The following LFNG variants were observed in gnomAD, a reference collection of about 807,000 sequenced individuals.
The protein encoded by LFNG is beta-1,3-N-acetylglucosaminyltransferase lunatic fringe.
In LFNG, 15 loss-of-function variants were observed where a neutral mutation model predicts 32.7. That is an observed-to-expected ratio of 0.46 (90% CI 0.31 to 0.71). The LOEUF is 0.71. LFNG is among the 30% of genes least tolerant of loss of function. The probability of loss-of-function intolerance (pLI) is 0.06; values close to 1 mark genes in which losing one functional copy is unlikely to be tolerated. For missense variants in LFNG, 520 were observed against 545.7 expected (o/e 0.95, Z 0.47); for synonymous variants, 274 against 246.8 (o/e 1.11, Z -1.03).
At chr7:2,522,766 G>A (rs1779830145) in intron 1 of LFNG, among the ~76,000 whole-genome samples, 3 of 152,218 alleles carry the variant, frequency 2.0e-5, no homozygotes, top group Admixed American at 6.5e-5. Context: ...TCCCCACTTG[G>A]GCCTCAGCTG....
At chr7:2,518,507 A>AT (rs1779685498), upstream of LFNG, 1 of 958,322 alleles carries the variant, frequency 1.0e-6, no homozygotes, top group South Asian at 1.3e-5. Context: ...TATCCAGTGA[A>AT]TTTTTTCAGA....
chr7:2,525,184 C>T, intron 2 of LFNG, 35 bp from the exon 3 acceptor site: 1 of 1,585,698 alleles, frequency 6.3e-7, no homozygotes, highest in Non-Finnish European at 8.6e-7. Flanking sequence ...TGGGAGCCGG[C>T]TCAGACCTAC....
Position 2,527,337 on chromosome 7 carries a change from C to CGT in LFNG, c.*140_*141dup, listed in dbSNP as rs1554291255. ...GGCCGTGCCTGTGCGTGTGCGTGTG[C>CGT]GTGTGTGTGTGTGTGTACTGCATGC... On this transcript the variant is annotated 3_prime_UTR_variant, in exon 8 of 8. Coordinates refer to ENST00000222725, the MANE Select transcript of LFNG (RefSeq NM_001040167.2). This position sits in a 1 kb window ranked among gnomAD's most constrained non-coding sequence, Gnocchi z 4.4. The CGT allele has an allele frequency of 2.5e-4, 370 of 1,451,486 alleles. No homozygotes were observed. Among genetic ancestry groups the CGT allele is most frequent in the South Asian group, 9.9e-4 (80 of 80,802 alleles). 89.9% of individuals were successfully genotyped at this position (1,451,486 alleles called of 1,614,324 possible).
At chr7:2,516,275 G>A (rs965134901), upstream of LFNG, among the ~76,000 whole-genome samples, 1 of 152,232 alleles carries the variant, frequency 6.6e-6, no homozygotes, top group Non-Finnish European at 1.5e-5. Flanking sequence ...CTCTCCATCA[G>A]CCGATGAGTG....
In LFNG at chr7:2,526,736, A is replaced by C; in HGVS notation, c.988-100A>C. On this transcript the variant is annotated intron_variant, in intron 6 of 7. Transcript: ENST00000222725. This position sits in a 1 kb window ranked among gnomAD's most constrained non-coding sequence, Gnocchi z 6.9. Reference sequence around the variant, plus strand: ...TGTCCTTCCAGGTCCAAGGGAGGCCAGGGCAGGGCCGTTGCCTCACTCAGG... The same window carrying C: ...TGTCCTTCCAGGTCCAAGGGAGGCCCGGGCAGGGCCGTTGCCTCACTCAGG... 1 of 1,118,574 alleles carries C rather than the reference A, an allele frequency of 8.9e-7. No homozygotes were observed. The highest frequency in any genetic ancestry group is 1.3e-6 in the Non-Finnish European group (1 of 742,374). The allele number at this position is 1,118,574 out of a possible 1,614,324, so 69.3% of individuals were successfully genotyped here.
In LFNG at chr7:2,524,712, C is replaced by T. The variant is rs935354147; in HGVS notation, c.450C>T (p.Asp150=). ...CCTTCCAGACGTTCATCTTCACTGA[C>T]GGGGAAGATGAGGCCCTGGCCAGGC... ...RHKEMTFIFT[D]GEDEALARHT... The change falls in exon 2 of 8, where the codon GAC becomes GAT. Residue 150 remains aspartate, a synonymous_variant. Coordinates refer to ENST00000222725, the MANE Select transcript of LFNG (RefSeq NM_001040167.2). The T allele has an allele frequency of 2.0e-5, 31 of 1,589,364 alleles. No homozygotes were observed. The highest frequency in any genetic ancestry group is 6.8e-5 in the East Asian group (3 of 43,972).
In LFNG at chr7:2,528,371, G is replaced by C; in HGVS notation, c.*1159G>C. On this transcript the variant is annotated 3_prime_UTR_variant, in exon 8 of 8. Transcript: ENST00000222725. ...ATAAGGGAAAAGTTCTCAGGGAATT[G>C]AAGTGTTGTTGCTATGGTGACGTCC... 1 of 986,492 alleles carries C rather than the reference G, an allele frequency of 1.0e-6. No individual in the cohort carries two copies. Among genetic ancestry groups the C allele is most frequent in the African/African-American group, 1.7e-5 (1 of 57,392 alleles). 61.1% of individuals were successfully genotyped at this position (986,492 alleles called of 1,614,324 possible). A position where few individuals can be genotyped will look rare whatever the true frequency, so the allele number is the denominator to read the frequency against.
At chr7:2,515,116 A>G (rs908694632), upstream of LFNG, among the ~76,000 whole-genome samples, 1 of 151,234 alleles carries the variant, frequency 6.6e-6, no homozygotes, top group Non-Finnish European at 1.5e-5. Context: ...CTGCCCATCC[A>G]TCTGCCCCTC....
At chr7:2,515,237 T>G (rs937121951), upstream of LFNG, among the ~76,000 whole-genome samples, 20 of 152,306 alleles carry the variant, frequency 1.3e-4, no homozygotes, top group African/African-American at 4.3e-4. Flanking sequence ...CATCCAACCA[T>G]CCATCCATCT....
In LFNG at chr7:2,525,809, G is replaced by C. The variant is rs145854826; in HGVS notation, c.821+39G>C. On this transcript the variant is annotated intron_variant, in intron 5 of 7. Coordinates refer to ENST00000222725, the MANE Select transcript of LFNG (RefSeq NM_001040167.2). ...ACAGGTTAGGCCAGCCCGGTCCCAG[G>C]CTCCTCGCCACTGTGGGGCCTGGCT... 2.9e-4 allele frequency: 457 copies of C among 1,563,368 alleles called. 4 individuals are homozygous for C. In the East Asian group the frequency reaches 9.8e-3, roughly 34 times the overall value.
intron 1 of LFNG, 120 bp from the exon 2 acceptor site, chr7:2,524,575 G>A (rs1408018927): frequency 2.2e-6 from 2 of 905,550 alleles, no homozygotes; most frequent in African/African-American, 3.3e-5. Flanking sequence ...GGAGAAGGGT[G>A]GGTGTCAGTG....
exon 1 of LFNG, chr7:2,512,674 G>A: frequency 1.2e-6 from 2 of 1,613,804 alleles, no homozygotes; most frequent in Non-Finnish European, 1.7e-6. Flanking sequence ...CAGACAGGAA[G>A]GCTCAGGCTG....
At position 2,527,493 on chromosome 7, in the gene LFNG, G is replaced by A. The variant is rs1044360688; in HGVS notation, c.*281G>A. 1.1e-4 allele frequency: 147 copies of A among 1,379,300 alleles called. No homozygotes were observed. In the African/African-American group the frequency reaches 2.1e-3, roughly 19 times the overall value. 85.4% of individuals were successfully genotyped at this position (1,379,300 alleles called of 1,614,324 possible). ...TGGAGGAAGGATTTGTGTGTCGGAG[G>A]CCACTCCGAGGGCAATTCTGTTAGG... On this transcript the variant is annotated 3_prime_UTR_variant, in exon 8 of 8. Transcript: ENST00000222725. This position sits in a 1 kb window ranked among gnomAD's most constrained non-coding sequence, Gnocchi z 4.4.
chr7:2,524,600 C>T (rs1011489148), intron 1 of LFNG, 95 bp from the exon 2 acceptor site: 2 of 1,179,068 alleles, frequency 1.7e-6, no homozygotes, highest in Non-Finnish European at 2.5e-6. Flanking sequence ...GCAGCTGCAG[C>T]TGCAGCAACT....
chr7:2,525,215 A>G lies in LFNG; in HGVS notation c.482-4A>G, dbSNP rs62444250. The G allele has an allele frequency of 0.022, 35,260 of 1,612,358 alleles. 1,265 individuals are homozygous for G. The highest frequency in any genetic ancestry group is 0.16 in the African/African-American group (11,878 of 74,970). On this transcript the variant is annotated splice_polypyrimidine_tract_variant and splice_region_variant and intron_variant, in intron 2 of 7. Coordinates refer to ENST00000222725, the MANE Select transcript of LFNG (RefSeq NM_001040167.2). ...CCTACTCACAGCCGCTCCCCTGTCCACAGGCAACGTGGTCATCACAAACTG... is the reference window on the plus strand; with the variant it reads ...CCTACTCACAGCCGCTCCCCTGTCCGCAGGCAACGTGGTCATCACAAACTG...
At chr7:2,516,264 G>A (rs142061981), upstream of LFNG, among the ~76,000 whole-genome samples, 6 of 152,328 alleles carry the variant, frequency 3.9e-5, no homozygotes, top group East Asian at 1.2e-3. Flanking sequence ...GAGTGGGGCC[G>A]CTCTCCATCA....
At chr7:2,513,071 T>G, upstream of LFNG, 1 of 1,329,148 alleles carries the variant, frequency 7.5e-7, no homozygotes, top group South Asian at 1.3e-5. Flanking sequence ...CCACAGTGGG[T>G]TCTCCCTCGT....
chr7:2,513,978 C>T (rs1383306604), upstream of LFNG, among the ~76,000 whole-genome samples: 2 of 152,244 alleles, frequency 1.3e-5, no homozygotes, highest in Non-Finnish European at 2.9e-5. Flanking sequence ...CTGCTGTGGG[C>T]TTAAGGGTGT....
chr7:2,516,981 G>A (rs1427633831), upstream of LFNG, among the ~76,000 whole-genome samples: 3 of 151,972 alleles, frequency 2.0e-5, no homozygotes, highest in Non-Finnish European at 4.4e-5. Context: ...AGGACCCTAC[G>A]GCCCCAAGAG....
Sources: allele counts gnomAD v4.1 joint callset (sites outside exome capture counted in the v4.1 genomes callset), GRCh38; gene constraint gnomAD v4.1.1; non-coding constraint Gnocchi (gnomAD v3.1); transcripts MANE v1.5; gene names NCBI Gene and HGNC (gene_info 2026-07-23, HGNC 2026-07-21).